LIPI: variants seen among roughly 807,000 people sequenced by gnomAD.
LIPI encodes the protein lipase member I.
A neutral mutation model predicts 50.6 loss-of-function variants in LIPI; 59 were observed. The observed-to-expected ratio is 1.16, with a 90% confidence interval of 0.94 to 1.45. The LOEUF is 1.45. LIPI is among the 40% of genes most tolerant of loss of function. The probability of loss-of-function intolerance (pLI) is 0.00; values close to 1 mark genes in which losing one functional copy is unlikely to be tolerated. For missense variants in LIPI, 586 were observed against 536.3 expected (o/e 1.09, Z -0.92); for synonymous variants, 203 against 178.2 (o/e 1.14, Z -1.11).
intron 9 of LIPI, among the ~76,000 whole-genome samples, chr21:14,139,858 T>C (rs2017640685): frequency 6.6e-6 from 1 of 152,102 alleles, no homozygotes; most frequent in South Asian, 2.1e-4. Flanking sequence ...CTAAGGAGGA[T>C]CCTACCTGGT....
intron 7 of LIPI, among the ~76,000 whole-genome samples, chr21:14,155,606 A>G (rs2018246094): frequency 6.6e-6 from 1 of 152,034 alleles, no homozygotes; most frequent in Non-Finnish European, 1.5e-5. Flanking sequence ...ACAGGAGAAC[A>G]CCAGTTTGAA....
Position 14,151,009 on chromosome 21 carries a change from T to C in LIPI, c.1118+1564A>G, listed in dbSNP as rs150070657. 2.8e-3 allele frequency among the ~76,000 whole-genome samples: 427 copies of C among 152,300 alleles called. 1 individual carries two copies. Among genetic ancestry groups the C allele is most frequent in the African/African-American group, 1.0e-2 (414 of 41,574 alleles). ...CAATCTAATATTAAACATATGTTTA[T>C]CCAAAATTTTAAACATTTTGCTGGA... On this transcript the variant is annotated intron_variant, in intron 8 of 9. Transcript: ENST00000681601.
At chr21:14,182,774 C>A (rs975459311) in intron 3 of LIPI, among the ~76,000 whole-genome samples, 16 of 151,676 alleles carry the variant, frequency 1.1e-4, no homozygotes, top group Middle Eastern at 3.4e-3. Context: ...AGGAATCCAA[C>A]TTACAAGGGA....
intron 7 of LIPI, among the ~76,000 whole-genome samples, chr21:14,158,699 C>CA (rs1190838409): frequency 6.7e-6 from 1 of 148,792 alleles, no homozygotes; most frequent in Non-Finnish European, 1.5e-5. Context: ...GAAAATTAAA[C>CA]AAAAATCTGA....
At chr21:14,171,230 G>T (rs1431526327) in intron 4 of LIPI, among the ~76,000 whole-genome samples, 2 of 150,162 alleles carry the variant, frequency 1.3e-5, no homozygotes, top group Admixed American at 1.3e-4. Context: ...ACAAACAAAT[G>T]GAAGAACATT....
intron 2 of LIPI, 104 bp from the exon 3 acceptor site, chr21:14,186,173 T>G: frequency 1.3e-6 from 1 of 755,366 alleles, no homozygotes; most frequent in Non-Finnish European, 2.4e-6. Flanking sequence ...TTTTCTGGCT[T>G]GATTCATTTT....
intron 4 of LIPI, among the ~76,000 whole-genome samples, chr21:14,173,104 G>T (rs1203419075): frequency 6.6e-6 from 1 of 152,164 alleles, no homozygotes; most frequent in Admixed American, 6.5e-5. Flanking sequence ...TTGGAGTGGA[G>T]CACAAATGTG....
At chr21:14,131,288 C>T (rs555113759) in intron 9 of LIPI, among the ~76,000 whole-genome samples, 6 of 152,068 alleles carry the variant, frequency 3.9e-5, no homozygotes, top group Non-Finnish European at 8.8e-5. Context: ...GCACTGGGGC[C>T]AGTATAGGCT....
In LIPI at chr21:14,210,938, G is replaced by A; in HGVS notation, c.-93C>T. 1.8e-6 allele frequency: 2 copies of A among 1,092,274 alleles called. No homozygotes were observed. The highest frequency in any genetic ancestry group is 1.1e-6 in the Non-Finnish European group (1 of 891,322). 67.7% of individuals were successfully genotyped at this position (1,092,274 alleles called of 1,614,324 possible). The stretch of plus-strand genomic sequence containing the variant: ...TTTCTCTTTGGTAGGATCATCACAG[G>A]CTGGCAGGTTCTTCTGTAAAAGTTC... On this transcript the variant is annotated 5_prime_UTR_variant, in exon 1 of 10. Transcript: ENST00000681601.
chr21:14,170,091 C>T (rs766090551), intron 4 of LIPI, among the ~76,000 whole-genome samples: 24 of 152,104 alleles, frequency 1.6e-4, no homozygotes, highest in South Asian at 2.1e-4. Flanking sequence ...AACACCTCGA[C>T]GCAAATAAAC....
intron 9 of LIPI, among the ~76,000 whole-genome samples, chr21:14,139,743 T>C (rs923401142): frequency 1.3e-5 from 2 of 152,148 alleles, no homozygotes; most frequent in African/African-American, 2.4e-5. Context: ...GTAGGCTTCA[T>C]TGAGAAAATG....
intron 9 of LIPI, among the ~76,000 whole-genome samples, chr21:14,138,535 T>C (rs1210574120): frequency 3.3e-5 from 5 of 152,090 alleles, no homozygotes; most frequent in African/African-American, 1.2e-4. Flanking sequence ...TAAATTTTAT[T>C]AATTTTTTAA....
chr21:14,155,137 G>T (rs1185895987), intron 7 of LIPI, among the ~76,000 whole-genome samples: 1 of 151,942 alleles, frequency 6.6e-6, no homozygotes, highest in Non-Finnish European at 1.5e-5. Flanking sequence ...AACAAAGGTG[G>T]CTCCATCGTG....
intron 4 of LIPI, among the ~76,000 whole-genome samples, chr21:14,175,944 C>T (rs931334818): frequency 2.6e-5 from 4 of 152,018 alleles, no homozygotes; most frequent in Middle Eastern, 3.4e-3. Context: ...TTTGGGAGGC[C>T]GAGGCGGGCG....
chr21:14,169,262 T>C (rs1293418832), intron 4 of LIPI, among the ~76,000 whole-genome samples: 1 of 152,012 alleles, frequency 6.6e-6, no homozygotes, highest in Non-Finnish European at 1.5e-5. Flanking sequence ...ACATTAATAA[T>C]GGGAGACTTT....
At chr21:14,121,817 G>A (rs559216245) in intron 9 of LIPI, among the ~76,000 whole-genome samples, 172 of 152,200 alleles carry the variant, frequency 1.1e-3, no homozygotes, top group Non-Finnish European at 8.5e-4. Context: ...CTGATCTTGC[G>A]GAGGAACCAA....
intron 9 of LIPI, 166 bp downstream of exon 9, chr21:14,144,455 CAA>C: frequency 2.3e-6 from 1 of 436,012 alleles, no homozygotes; most frequent in South Asian, 5.9e-5. Context: ...TTATTAAAGC[CAA>C]AAAAACCTTT....
At chr21:14,135,691 T>A (rs1241726446) in intron 9 of LIPI, among the ~76,000 whole-genome samples, 4 of 152,188 alleles carry the variant, frequency 2.6e-5, no homozygotes, top group African/African-American at 9.7e-5. Context: ...AGGCCCAAAG[T>A]ACTCTTTGCC....
intron 1 of LIPI, among the ~76,000 whole-genome samples, chr21:14,197,450 C>T (rs1600931340): frequency 6.6e-6 from 1 of 151,954 alleles, no homozygotes; most frequent in African/African-American, 2.4e-5. Context: ...AGCTGAAAAA[C>T]ACACTACAAG....
Sources: gnomAD v4.1 joint callset for allele counts (sites outside exome capture counted in the v4.1 genomes callset) on GRCh38, gnomAD v4.1.1 for gene constraint, MANE v1.5 for transcripts, NCBI Gene and HGNC (gene_info 2026-07-23, HGNC 2026-07-21) for gene names.